Variants in GRK5 observed in about 807,000 individuals in gnomAD.
GRK5 encodes the protein G protein-coupled receptor kinase 5, also known as g protein-coupled receptor kinase GRK5.
GRK5 carries 40 observed loss-of-function variants against 78.4 expected under a neutral mutation model. That is an observed-to-expected ratio of 0.51 (90% CI 0.40 to 0.66). The LOEUF is 0.66. GRK5 is among the 30% of genes least tolerant of loss of function. The pLI is 0.00. For missense variants in GRK5, 598 were observed against 759.9 expected (o/e 0.79, Z 2.50); for synonymous variants, 289 against 296.8 (o/e 0.97, Z 0.27).
intron 1 of GRK5, among the ~76,000 whole-genome samples, chr10:119,268,134 T>G (rs1849530855): frequency 6.6e-6 from 1 of 152,176 alleles, no homozygotes; most frequent in Non-Finnish European, 1.5e-5. Context: ...CACAGCTCCA[T>G]GCACACGCCT....
At chr10:119,367,921 G>A (rs1176189804) in intron 2 of GRK5, among the ~76,000 whole-genome samples, 2 of 152,242 alleles carry the variant, frequency 1.3e-5, no homozygotes, top group African/African-American at 2.4e-5. Flanking sequence ...CGTGATCCTC[G>A]CTAGACCCCG....
At chr10:119,453,003 A>G in intron 14 of GRK5, 142 bp from the exon 15 acceptor site, 1 of 844,624 alleles carries the variant, frequency 1.2e-6, no homozygotes, top group Non-Finnish European at 2.0e-6. Flanking sequence ...ATTGACGGGG[A>G]GCCTCGCCCA....
intron 2 of GRK5, among the ~76,000 whole-genome samples, chr10:119,369,858 A>T (rs922052643): frequency 5.3e-5 from 8 of 152,098 alleles, no homozygotes; most frequent in African/African-American, 1.9e-4. Flanking sequence ...CAGCATCAGG[A>T]TCTACCTGCC....
chr10:119,358,293 A>G (rs1413680801), intron 2 of GRK5, among the ~76,000 whole-genome samples: 1 of 152,160 alleles, frequency 6.6e-6, no homozygotes, highest in Admixed American at 6.5e-5. Context: ...AGTCCCTCCC[A>G]TTACTCAGCC....
chr10:119,394,204 A>ATCTG (rs1851946878), intron 3 of GRK5, among the ~76,000 whole-genome samples: 1 of 19,236 alleles, frequency 5.2e-5, no homozygotes, highest in Non-Finnish European at 1.1e-4. Context: ...GGGGGTGTGT[A>ATCTG]TCTGTGTGTG....
chr10:119,263,347 G>A (rs1849441869), intron 1 of GRK5, among the ~76,000 whole-genome samples: 1 of 151,986 alleles, frequency 6.6e-6, no homozygotes, highest in Non-Finnish European at 1.5e-5. Flanking sequence ...GAGAAGTCCT[G>A]CAGTGGAAAA....
chr10:119,234,585 T>G (rs1299295083), intron 1 of GRK5, among the ~76,000 whole-genome samples: 4 of 152,164 alleles, frequency 2.6e-5, no homozygotes, highest in Non-Finnish European at 5.9e-5. Flanking sequence ...CAAGAATGGG[T>G]GATAACTGTA....
At chr10:119,361,260 C>A (rs543083089) in intron 2 of GRK5, among the ~76,000 whole-genome samples, 1 of 152,286 alleles carries the variant, frequency 6.6e-6, no homozygotes, top group South Asian at 2.1e-4. Flanking sequence ...TTGGGAGTGT[C>A]TGGGCGCCTG....
At chr10:119,297,059 A>T (rs928248188) in intron 1 of GRK5, among the ~76,000 whole-genome samples, 3 of 152,232 alleles carry the variant, frequency 2.0e-5, no homozygotes, top group Non-Finnish European at 4.4e-5. Context: ...AGCCTCAGTG[A>T]GGAGCTTCCA....
chr10:119,238,983 A>C lies in GRK5; in HGVS notation c.52+31014A>C, dbSNP rs1848976833. 2.0e-5 allele frequency among the ~76,000 whole-genome samples: 3 copies of C among 152,102 alleles called. No homozygotes were observed. Among genetic ancestry groups the C allele is most frequent in the Non-Finnish European group, 4.4e-5 (3 of 68,030 alleles). ...TTAGAGAAACGTGATTTTTCATTTAATTATATATATAGTTTTCTTTTTTGT... is the reference window on the plus strand; with the variant it reads ...TTAGAGAAACGTGATTTTTCATTTACTTATATATATAGTTTTCTTTTTTGT... On this transcript the variant is annotated intron_variant, in intron 1 of 15. Coordinates refer to ENST00000392870, the MANE Select transcript of GRK5 (RefSeq NM_005308.3). This position sits in a 1 kb window ranked among gnomAD's most constrained non-coding sequence, Gnocchi z 4.7.
At chr10:119,395,250 G>A (rs978056585) in intron 3 of GRK5, among the ~76,000 whole-genome samples, 2 of 152,214 alleles carry the variant, frequency 1.3e-5, no homozygotes, top group Admixed American at 1.3e-4. Flanking sequence ...GAAAATCATT[G>A]GATCTTGGCT....
At chr10:119,407,736 C>T (rs2133866053) in intron 4 of GRK5, among the ~76,000 whole-genome samples, 1 of 152,298 alleles carries the variant, frequency 6.6e-6, no homozygotes, top group South Asian at 2.1e-4. Context: ...GAATTGAAAA[C>T]AGGGAGGCTG....
At chr10:119,304,363 C>T (rs769885775) in intron 1 of GRK5, among the ~76,000 whole-genome samples, 4 of 143,666 alleles carry the variant, frequency 2.8e-5, no homozygotes, top group Non-Finnish European at 4.5e-5. Flanking sequence ...GATCTCAGCT[C>T]ACTGCAACCT....
At chr10:119,356,991 C>A (rs143584087) in intron 2 of GRK5, among the ~76,000 whole-genome samples, 1 of 152,324 alleles carries the variant, frequency 6.6e-6, no homozygotes, top group Non-Finnish European at 1.5e-5. Flanking sequence ...CAGGGAATGT[C>A]TTTGCCCACC....
chr10:119,285,183 TG>T (rs1262954894), intron 1 of GRK5, among the ~76,000 whole-genome samples: 2 of 152,142 alleles, frequency 1.3e-5, no homozygotes, highest in African/African-American at 2.4e-5. Context: ...CACCTCAGGC[TG>T]GGGGCAACCA....
At chr10:119,427,794 C>T (rs1852728337) in intron 6 of GRK5, among the ~76,000 whole-genome samples, 2 of 129,304 alleles carry the variant, frequency 1.5e-5, no homozygotes, top group African/African-American at 5.1e-5. Flanking sequence ...TCATCAGCAT[C>T]ACCACCATCA....
chr10:119,449,098 G>A (rs1196709739), intron 13 of GRK5, among the ~76,000 whole-genome samples: 1 of 152,234 alleles, frequency 6.6e-6, no homozygotes, highest in Admixed American at 6.5e-5. Flanking sequence ...GCAGTGTGCT[G>A]CAGGCGAATG....
chr10:119,300,822 A>G (rs1850166693), intron 1 of GRK5, among the ~76,000 whole-genome samples: 1 of 152,184 alleles, frequency 6.6e-6, no homozygotes, highest in Non-Finnish European at 1.5e-5. Flanking sequence ...GCTGGGCACA[A>G]TGGCTCATGC....
chr10:119,263,618 C>G (rs191493938), intron 1 of GRK5, among the ~76,000 whole-genome samples: 103 of 152,218 alleles, frequency 6.8e-4, no homozygotes, highest in Middle Eastern at 3.4e-3. Flanking sequence ...TTCCCCTCTC[C>G]TCCAAGTATT....
Sources: allele counts gnomAD v4.1 joint callset (sites outside exome capture counted in the v4.1 genomes callset), GRCh38; gene constraint gnomAD v4.1.1; non-coding constraint Gnocchi (gnomAD v3.1); transcripts MANE v1.5; gene names NCBI Gene and HGNC (gene_info 2026-07-23, HGNC 2026-07-21).